NLRC5: variants seen among roughly 807,000 people sequenced by gnomAD.
NLRC5 encodes protein NLRC5.
A neutral mutation model predicts 206.9 loss-of-function variants in NLRC5; 114 were observed. The ratio of observed to expected loss-of-function variants is 0.55; its 90% CI spans 0.47 to 0.64. The LOEUF is 0.64. Among genes scored for constraint, NLRC5 ranks in the 30% least tolerant of loss-of-function variants. NLRC5 has a pLI of 0.00. For synonymous variants in NLRC5, 952 were observed against 962.8 expected, an observed-to-expected ratio of 0.99 and a Z score of 0.21; for missense variants, 2,008 against 2,305.5, an observed-to-expected ratio of 0.87 and a Z score of 2.64.
chr16:57,041,544 G>A lies in NLRC5; in HGVS notation c.2999G>A (p.Gly1000Glu), dbSNP rs773803348. 5 of 1,614,156 alleles carry A rather than the reference G, an allele frequency of 3.1e-6. No homozygotes were observed. In the South Asian group the frequency reaches 5.5e-5, roughly 18 times the overall value. Residue 1000 changes from glycine (G) to glutamate (E), a missense_variant, in exon 18 of 49, where the codon GGA becomes GAA. Coordinates refer to ENST00000688547, the MANE Select transcript of NLRC5 (RefSeq NM_001384950.1). ...HLEQLCKALG[G>E]SCHLGHLHLD... ...GAGCAGCTCTGCAAGGCTCTGGGAG[G>A]AAGCTGCCACCTCGGTCACCTCCAC...
intron 1 of NLRC5, among the ~76,000 whole-genome samples, chr16:57,011,705 A>G (rs1441393936): frequency 1.4e-5 from 2 of 138,890 alleles, no homozygotes; most frequent in Non-Finnish European, 3.1e-5. Context: ...TGGGTGACAG[A>G]GCAAGACCCT....
intron 23 of NLRC5, among the ~76,000 whole-genome samples, chr16:57,048,721 G>A (rs289725): frequency 0.25 from 37,447 of 151,780 alleles, 4,891 homozygotes; most frequent in African/African-American, 0.33. Context: ...TTTAGTAGAG[G>A]CAGGGTTTCA....
chr16:57,081,305 C>A, intron 47 of NLRC5, 124 bp downstream of exon 47: 1 of 1,048,622 alleles, frequency 9.5e-7, no homozygotes, highest in Admixed American at 2.2e-5. Context: ...CACACTCTGG[C>A]CTGTTCCAAG....
intron 32 of NLRC5, chr16:57,062,760 A>C (rs543852086): frequency 1.3e-5 from 2 of 152,514 alleles, no homozygotes; most frequent in African/African-American, 4.8e-5. Context: ...ATTATTATAA[A>C]ATACACATAA....
In NLRC5 at chr16:57,066,626, C is replaced by CA. The variant is rs759714248; in HGVS notation, c.4322+13dup. On this transcript the variant is annotated intron_variant, in intron 34 of 48. Transcript: ENST00000688547. ...GCTGTGGCACTCAGGTGGGACCCAG[C>CA]ACCAGGGACCCCAAGGCAGGGGCTG... 10 of 1,611,124 alleles carry CA rather than the reference C, an allele frequency of 6.2e-6. No individual in the cohort carries two copies. In the East Asian group the frequency reaches 2.2e-4, roughly 36 times the overall value.
chr16:57,067,042 A>G, intron 34 of NLRC5, among the ~76,000 whole-genome samples: 1 of 152,056 alleles, frequency 6.6e-6, no homozygotes, highest in South Asian at 2.1e-4. Flanking sequence ...GATTCACAGC[A>G]CCTCTAAATC....
Position 57,066,610 on chromosome 16 carries a change from C to T in NLRC5, c.4318C>T (p.Leu1440Phe). The T allele has an allele frequency of 1.2e-6, 2 of 1,613,820 alleles. No homozygotes were observed. Among genetic ancestry groups the T allele is most frequent in the South Asian group, 1.1e-5 (1 of 91,064 alleles). Residue 1440 changes from leucine to phenylalanine, a missense_variant, in exon 34 of 49, where the codon CTC becomes TTC. Leu to Phe is a conservative substitution (Grantham distance 22). Coordinates refer to ENST00000688547, the MANE Select transcript of NLRC5 (RefSeq NM_001384950.1). ...GGAAGAGAATCCAGAAGCTGTGGCACTCAGGTGGGACCCAGCACCAGGGAC... is the reference window on the plus strand; with the variant it reads ...GGAAGAGAATCCAGAAGCTGTGGCATTCAGGTGGGACCCAGCACCAGGGAC... ...RQEENPEAVALRLAHCDLGAH... is the reference protein window; with the variant it reads ...RQEENPEAVAFRLAHCDLGAH...
intron 1 of NLRC5, among the ~76,000 whole-genome samples, chr16:56,995,322 G>A (rs746665599): frequency 6.6e-6 from 1 of 152,176 alleles, no homozygotes; most frequent in Non-Finnish European, 1.5e-5. Context: ...GTCCCAGCTG[G>A]CTGTTTCTGT....
chr16:57,028,433 C>T (rs1283210532), intron 8 of NLRC5, 48 bp downstream of exon 8: 8 of 1,452,214 alleles, frequency 5.5e-6, no homozygotes, highest in Middle Eastern at 1.8e-4. Flanking sequence ...TGAGCCACTG[C>T]CCAGGTCCCA....
chr16:57,035,367 G>T (rs1366142266), intron 13 of NLRC5, among the ~76,000 whole-genome samples: 1 of 151,948 alleles, frequency 6.6e-6, no homozygotes, highest in Non-Finnish European at 1.5e-5. Context: ...ACTGATGCCT[G>T]CCCCCTTCAC....
Position 57,065,207 on chromosome 16 carries a change from G to T in NLRC5, c.4155-5G>T. 1 of 1,518,190 alleles carries T rather than the reference G, an allele frequency of 6.6e-7. No homozygotes were observed. Among genetic ancestry groups the T allele is most frequent in the Non-Finnish European group, 8.9e-7 (1 of 1,122,452 alleles). 94.0% of individuals were successfully genotyped at this position (1,518,190 alleles called of 1,614,324 possible). ...GGGCCTTATCTGTGTCCCCTTCTGTGACAGGGTGCAGGAGCCGTGGGCGGA... is the reference window on the plus strand; with the variant it reads ...GGGCCTTATCTGTGTCCCCTTCTGTTACAGGGTGCAGGAGCCGTGGGCGGA... On this transcript the variant is annotated splice_polypyrimidine_tract_variant and splice_region_variant and intron_variant, in intron 32 of 48. Transcript: ENST00000688547.
intron 34 of NLRC5, 114 bp downstream of exon 34, chr16:57,066,728 T>C: frequency 1.1e-6 from 1 of 937,212 alleles, no homozygotes; most frequent in South Asian, 1.4e-5. Context: ...TCGAAGTCTT[T>C]ACACAGGCTA....
chr16:57,038,830 G>T (rs1176677117), intron 15 of NLRC5, among the ~76,000 whole-genome samples: 1 of 151,680 alleles, frequency 6.6e-6, no homozygotes, highest in East Asian at 1.9e-4. Flanking sequence ...AGCTACTCAG[G>T]AGGCTGAGGC....
rs749758404 is a variant in NLRC5, at chr16:57,029,771, A to G, written c.2244-2A>G. ...AGGGACTGGGCCTTGGTCTCCTCGC[A>G]GTTTTCGGGACAACCAGCTCAGTGA... On this transcript the variant is annotated splice_acceptor_variant, in intron 8 of 48. Coordinates refer to ENST00000688547, the MANE Select transcript of NLRC5 (RefSeq NM_001384950.1). LOFTEE classifies it high-confidence loss of function. The G allele has an allele frequency of 1.4e-5, 22 of 1,613,982 alleles. No individual in the cohort carries two copies. The highest frequency in any genetic ancestry group is 1.8e-5 in the Non-Finnish European group (21 of 1,179,998).
At chr16:57,058,239 C>G (rs2065946934) in intron 28 of NLRC5, 91 bp downstream of exon 28, 1 of 1,024,218 alleles carries the variant, frequency 9.8e-7, no homozygotes, top group African/African-American at 1.6e-5. Context: ...AGGGCATCCC[C>G]CAGAGCACCA....
intron 37 of NLRC5, 102 bp downstream of exon 37, chr16:57,070,021 C>G (rs2067460156): frequency 1.1e-6 from 1 of 870,296 alleles, no homozygotes; most frequent in Non-Finnish European, 1.8e-6. Context: ...GAGACTTCAA[C>G]CAATGACCCT....
chr16:57,022,185 G>A (rs373020434), intron 3 of NLRC5, 71 bp from the exon 4 acceptor site: 30 of 1,353,502 alleles, frequency 2.2e-5, no homozygotes, highest in East Asian at 1.4e-4. Flanking sequence ...TGAGCCAGGC[G>A]CCAGGCCAGA....
intron 3 of NLRC5, among the ~76,000 whole-genome samples, chr16:57,021,308 C>T (rs983904364): frequency 3.8e-5 from 5 of 130,636 alleles, no homozygotes; most frequent in Admixed American, 8.1e-5. Context: ...TCTTTTTTGG[C>T]GGGGGTGGGG....
chr16:57,013,753 T>C (rs993269424), intron 1 of NLRC5: 10 of 719,332 alleles, frequency 1.4e-5, no homozygotes, highest in Non-Finnish European at 2.5e-5. Flanking sequence ...TACAATTTTT[T>C]ATCCTCAATT....
Sources: gnomAD v4.1 joint callset for allele counts (sites outside exome capture counted in the v4.1 genomes callset) on GRCh38, gnomAD v4.1.1 for gene constraint, MANE v1.5 for transcripts, NCBI Gene and HGNC (gene_info 2026-07-23, HGNC 2026-07-21) for gene names.